The following DDR2 variants were observed in gnomAD, a reference collection of about 807,000 sequenced individuals.
The protein encoded by DDR2 is discoidin domain-containing receptor 2.
A neutral mutation model predicts 94.9 loss-of-function variants in DDR2; 27 were observed. That is an observed-to-expected ratio of 0.28 (90% CI 0.21 to 0.39). DDR2 has a LOEUF of 0.39. Among genes scored for constraint, DDR2 ranks in the 10% least tolerant of loss-of-function variants. The pLI, the probability that DDR2 is intolerant of heterozygous loss-of-function variation, is 1.00. For missense variants in DDR2, 783 were observed against 1,076.0 expected (o/e 0.73, Z 3.81); for synonymous variants, 382 against 377.2 (o/e 1.01, Z -0.15).
At chr1:162,674,661 T>C (rs1166943879) in intron 2 of DDR2, among the ~76,000 whole-genome samples, 1 of 152,224 alleles carries the variant, frequency 6.6e-6, no homozygotes, top group African/African-American at 2.4e-5. Flanking sequence ...ACCTGTTCTT[T>C]TGGACACACA....
intron 1 of DDR2, among the ~76,000 whole-genome samples, chr1:162,643,182 C>T (rs945390394): frequency 6.6e-6 from 1 of 152,054 alleles, no homozygotes; most frequent in Non-Finnish European, 1.5e-5. Context: ...TCTTCTGCCC[C>T]TCTCCTAGAT....
chr1:162,635,949 A>C (rs1656795316), intron 1 of DDR2, among the ~76,000 whole-genome samples: 1 of 152,236 alleles, frequency 6.6e-6, no homozygotes, highest in Admixed American at 6.5e-5. Context: ...ACACTGTGCT[A>C]ATAACATAGT....
chr1:162,767,158 A>G, intron 10 of DDR2, 71 bp from the exon 11 acceptor site: 3 of 1,606,760 alleles, frequency 1.9e-6, no homozygotes, highest in South Asian at 1.1e-5. Context: ...CCATGTTTCC[A>G]GTTCAGTCCC....
chr1:162,664,805 G>A (rs1327799740), intron 2 of DDR2, among the ~76,000 whole-genome samples: 3 of 152,126 alleles, frequency 2.0e-5, no homozygotes, highest in Non-Finnish European at 2.9e-5. Flanking sequence ...TTAAAGGGAA[G>A]ATATTGTAAA....
chr1:162,677,849 A>G (rs1571185476), intron 2 of DDR2, among the ~76,000 whole-genome samples: 1 of 152,248 alleles, frequency 6.6e-6, no homozygotes, highest in East Asian at 1.9e-4. Flanking sequence ...CTCAGCTTTC[A>G]GCTTTCACAT....
intron 3 of DDR2, among the ~76,000 whole-genome samples, chr1:162,739,852 T>A (rs1662502774): frequency 6.6e-6 from 1 of 152,166 alleles, no homozygotes; most frequent in Admixed American, 6.5e-5. Flanking sequence ...ATGGGAATAT[T>A]TTTAGGGTAG....
intron 3 of DDR2, among the ~76,000 whole-genome samples, chr1:162,748,893 T>G (rs1663029029): frequency 1.3e-5 from 2 of 152,130 alleles, no homozygotes; most frequent in African/African-American, 4.8e-5. Context: ...AACAACCTGC[T>G]CCTGAATGAC....
chr1:162,737,635 T>C (rs1409647256), intron 3 of DDR2, among the ~76,000 whole-genome samples: 1 of 114,808 alleles, frequency 8.7e-6, no homozygotes, highest in Admixed American at 9.6e-5. Context: ...GCATGTGTCT[T>C]TATAGCAGCA....
chr1:162,755,486 G>T (rs1268336117), intron 6 of DDR2, among the ~76,000 whole-genome samples, 178 bp from the exon 7 acceptor site: 1 of 152,210 alleles, frequency 6.6e-6, no homozygotes, highest in East Asian at 1.9e-4. Context: ...ACTGAGTCAT[G>T]CATTCAGAGT....
At chr1:162,741,204 CAATACAATATAATATAATAT>C (rs1320209910) in intron 3 of DDR2, among the ~76,000 whole-genome samples, 638 of 49,796 alleles carry the variant, frequency 0.013, 4 homozygotes, top group East Asian at 0.057. Context: ...TAATACAATA[CAATACAATATAATATAATAT>C]AATATAATAT....
At chr1:162,706,782 A>C (rs554944934) in intron 2 of DDR2, among the ~76,000 whole-genome samples, 2 of 152,208 alleles carry the variant, frequency 1.3e-5, no homozygotes, top group South Asian at 4.2e-4. Context: ...TCCTGAGTGG[A>C]GATGGAGCCT....
rs146763576 is a variant in DDR2 at position 162,646,835 on chromosome 1, A to G, written c.-191-8376A>G. Among the ~76,000 whole-genome samples, 705 of 152,322 alleles carry G rather than the reference A, an allele frequency of 4.6e-3. 2 individuals are homozygous for G. The highest frequency in any genetic ancestry group is 0.016 in the African/African-American group (658 of 41,566). On this transcript the variant is annotated intron_variant, in intron 1 of 17. Transcript: ENST00000367921. ...CTGTGCAAATGTCCAGGGGGCCTGA[A>G]TCTTTTAAAACAACCTCCCTCAGGT... is the stretch of plus-strand genomic sequence containing the variant.
chr1:162,769,301 T>C (rs2102178240), intron 11 of DDR2, among the ~76,000 whole-genome samples: 1 of 152,368 alleles, frequency 6.6e-6, no homozygotes, highest in Admixed American at 6.5e-5. Flanking sequence ...CCAGTGTTTC[T>C]TCCTGGGAAC....
At chr1:162,691,095 C>T (rs1465053606) in intron 2 of DDR2, among the ~76,000 whole-genome samples, 2 of 152,202 alleles carry the variant, frequency 1.3e-5, no homozygotes, top group African/African-American at 4.8e-5. Context: ...GAGGGAACAA[C>T]AAAGGACATG....
intron 2 of DDR2, among the ~76,000 whole-genome samples, chr1:162,668,807 G>C (rs1658700910): frequency 6.6e-6 from 1 of 152,024 alleles, no homozygotes; most frequent in Non-Finnish European, 1.5e-5. Context: ...TAACTCTTTG[G>C]TTCCTTATTT....
intron 3 of DDR2, among the ~76,000 whole-genome samples, chr1:162,750,177 T>C (rs1663110760): frequency 6.6e-6 from 1 of 152,132 alleles, no homozygotes. Flanking sequence ...AAAGGGTATT[T>C]AATTAGGAAA....
intron 3 of DDR2, among the ~76,000 whole-genome samples, chr1:162,743,041 G>A (rs1662687607): frequency 6.6e-6 from 1 of 152,162 alleles, no homozygotes; most frequent in Non-Finnish European, 1.5e-5. Context: ...TGGGGACACA[G>A]CCAAACCATA....
intron 2 of DDR2, among the ~76,000 whole-genome samples, chr1:162,684,690 A>G (rs950644190): frequency 2.0e-5 from 3 of 152,060 alleles, no homozygotes; most frequent in Admixed American, 6.6e-5. Context: ...GTGGGCAGAA[A>G]ATTCTTAAAA....
chr1:162,772,352 C>A, intron 13 of DDR2, 105 bp downstream of exon 13: 2 of 1,172,434 alleles, frequency 1.7e-6, no homozygotes, highest in Non-Finnish European at 2.5e-6. Context: ...AACAGAATGT[C>A]TCTTCCATTT....
Sources: gnomAD v4.1 joint callset for allele counts (sites outside exome capture counted in the v4.1 genomes callset) on GRCh38, gnomAD v4.1.1 for gene constraint, MANE v1.5 for transcripts, NCBI Gene and HGNC (gene_info 2026-07-23, HGNC 2026-07-21) for gene names.